PRPF19: variants seen among roughly 807,000 people sequenced by gnomAD.
The protein encoded by PRPF19 is pre-mRNA-processing factor 19.
A neutral mutation model predicts 64.2 loss-of-function variants in PRPF19; 2 were observed. The ratio of observed to expected loss-of-function variants is 0.03; its 90% CI spans 0.01 to 0.10. The LOEUF is 0.10. Ranked by LOEUF, PRPF19 falls within the 10% of genes least tolerant of loss-of-function variation. The pLI is 1.00. For synonymous variants in PRPF19, 226 were observed against 251.6 expected, an observed-to-expected ratio of 0.90 and a Z score of 0.96; for missense variants, 314 against 650.0, an observed-to-expected ratio of 0.48 and a Z score of 5.62.
rs1856000582 is a variant in PRPF19, at chr11:60,902,996, G to A, written c.247-115C>T. On this transcript the variant is annotated intron_variant, in intron 3 of 15. Transcript: ENST00000227524. This position sits in a 1 kb window ranked among gnomAD's most constrained non-coding sequence, Gnocchi z 5.0. Reference sequence around the variant, plus strand: ...TATCCCAGAGCCTAGACCAGTATCAGTGACCCAAACAATATCCGAGCAAAC... The same window carrying A: ...TATCCCAGAGCCTAGACCAGTATCAATGACCCAAACAATATCCGAGCAAAC... 2.0e-6 allele frequency: 3 copies of A among 1,468,974 alleles called. No homozygotes were observed. Among genetic ancestry groups the A allele is most frequent in the Non-Finnish European group, 1.8e-6 (2 of 1,103,036 alleles). 91.0% of individuals were successfully genotyped at this position (1,468,974 alleles called of 1,614,324 possible).
At position 60,899,194 on chromosome 11, in the gene PRPF19, G is replaced by A; in HGVS notation, c.939C>T (p.Ser313=). The change falls in exon 11 of 16, where the codon AGC becomes AGT. Residue 313 remains serine, a synonymous_variant. Transcript: ENST00000227524. ...RAHESAVTGL[S]LHATGDYLLS... is the part of the protein sequence containing the mutation. ...GGAGATAGTCGCCAGTGGCATGAAG[G>A]CTGAGGCCTGTCACAGCACTCTCAT... 1 of 1,613,966 alleles carries A rather than the reference G, an allele frequency of 6.2e-7. No individual in the cohort carries two copies. The highest frequency in any genetic ancestry group is 8.5e-7 in the Non-Finnish European group (1 of 1,179,966).
Position 60,903,951 on chromosome 11 carries a change from G to A in PRPF19, c.20-90C>T, listed in dbSNP as rs929175243. 2.8e-5 allele frequency: 42 copies of A among 1,479,480 alleles called. No homozygotes were observed. The Middle Eastern group carries it at 7.2e-4, about 25-fold the overall frequency. The allele number at this position is 1,479,480 out of a possible 1,614,324, so 91.6% of individuals were successfully genotyped here. A position where few individuals can be genotyped will look rare whatever the true frequency, so the allele number is the denominator to read the frequency against. On this transcript the variant is annotated intron_variant, in intron 1 of 15. Coordinates refer to ENST00000227524, the MANE Select transcript of PRPF19 (RefSeq NM_014502.5). ...TCTGCTATTAGCCCCAACAAGACTA[G>A]GCATCCTCACACTCAACTAGCAGAA...
intron 15 of PRPF19, among the ~76,000 whole-genome samples, chr11:60,894,424 C>G (rs1247696650): frequency 6.6e-6 from 1 of 152,208 alleles, no homozygotes; most frequent in Non-Finnish European, 1.5e-5. Flanking sequence ...TTGGTCATCC[C>G]TAAGAGCTCC....
Position 60,890,941 on chromosome 11 carries a change from A to C in PRPF19, c.*225T>G. The C allele has an allele frequency of 1.7e-6, 1 of 602,848 alleles. No individual in the cohort carries two copies. Among genetic ancestry groups the C allele is most frequent in the Non-Finnish European group, 3.0e-6 (1 of 329,126 alleles). 37.3% of individuals were successfully genotyped at this position (602,848 alleles called of 1,614,324 possible). Reference sequence around the variant, plus strand: ...CGACCCTGGGCCTTAAGAGGGTGACAGTTCTTCCTTCCACATCCGTTCCCA... The same window carrying C: ...CGACCCTGGGCCTTAAGAGGGTGACCGTTCTTCCTTCCACATCCGTTCCCA... On this transcript the variant is annotated 3_prime_UTR_variant, in exon 16 of 16. Transcript: ENST00000227524.
rs753696575 is a variant in PRPF19, at chr11:60,898,090, G to A, written c.1311+11C>T. The A allele has an allele frequency of 1.2e-6, 2 of 1,612,386 alleles. No homozygotes were observed. Among genetic ancestry groups the A allele is most frequent in the East Asian group, 2.2e-5 (1 of 44,864 alleles). Reference sequence around the variant, plus strand: ...CACAATGGAAAGCTGGGCGGAGGGGGAAGGGCACACCTCAAAGTTGTTATC... The same window carrying A: ...CACAATGGAAAGCTGGGCGGAGGGGAAAGGGCACACCTCAAAGTTGTTATC... On this transcript the variant is annotated intron_variant, in intron 14 of 15. Coordinates refer to ENST00000227524, the MANE Select transcript of PRPF19 (RefSeq NM_014502.5). The surrounding 1 kb of genome is among the most constrained non-coding windows in gnomAD (Gnocchi z 4.6).
intron 1 of PRPF19, among the ~76,000 whole-genome samples, chr11:60,904,870 C>T (rs1856025699): frequency 6.6e-6 from 1 of 152,158 alleles, no homozygotes; most frequent in South Asian, 2.1e-4. Flanking sequence ...CTCATTTCCC[C>T]AGGTAAATGG....
At position 60,902,856 on chromosome 11, in the gene PRPF19, G is replaced by T. The variant is rs188856023; in HGVS notation, c.272C>A (p.Thr91Asn). Residue 91 changes from threonine (T) to asparagine (N), a missense_variant, in exon 4 of 16, where the codon ACT becomes AAT. Physicochemically the swap from Thr to Asn is moderately conservative, Grantham distance 65. Around this residue, in one of 7 missense-constraint regions of PRPF19, gnomAD observed 17 missense variants for 32.2 expected, o/e 0.53. Transcript: ENST00000227524. The surrounding 1 kb of genome is among the most constrained non-coding windows in gnomAD (Gnocchi z 5.0). ...EWDAVMLHSF[T>N]LRQQLQTTRQ... is the part of the protein sequence containing the mutation. ...GGTTGTCTGCAGCTGCTGGCGCAGA[G>T]TGAAGCTGTGCAGCATGACTGCATC... 195 of 1,613,924 alleles carry T rather than the reference G, an allele frequency of 1.2e-4. No individual in the cohort carries two copies. Among genetic ancestry groups the T allele is most frequent in the Non-Finnish European group, 3.1e-5 (36 of 1,180,012 alleles).
In PRPF19 at chr11:60,891,375, TCA is replaced by T. The variant is rs1037889188; in HGVS notation, c.1418-114_1418-113del. 1.7e-5 allele frequency: 13 copies of T among 779,134 alleles called. No individual in the cohort carries two copies. In the African/African-American group the frequency reaches 2.1e-4, roughly 12 times the overall value. The allele number at this position is 779,134 out of a possible 1,614,324, so 48.3% of individuals were successfully genotyped here. On this transcript the variant is annotated intron_variant, in intron 15 of 15. Transcript: ENST00000227524. ...CCAGGCCTTCTCTAATTAGTATTTA[TCA>T]CACCGCAGGCTCCTGTTTGTTTTCC...
rs371127698 is a variant in PRPF19 at position 60,901,436 on chromosome 11, C to CT, written c.567+62dup. On this transcript the variant is annotated intron_variant, in intron 7 of 15. Transcript: ENST00000227524. ...CCAAGATTCAGCCGCCCTCTCTCTCCTAAGGAGTCAACCGCCTCCCACCAG... is the reference window on the plus strand; with the variant it reads ...CCAAGATTCAGCCGCCCTCTCTCTCCTTAAGGAGTCAACCGCCTCCCACCAG... 119 of 1,613,872 alleles carry CT rather than the reference C, an allele frequency of 7.4e-5. No homozygotes were observed. The African/African-American group carries it at 1.5e-3, about 20-fold the overall frequency.
In PRPF19 at chr11:60,898,429, C is replaced by T; in HGVS notation, c.1140+112G>A. Reference sequence around the variant, plus strand: ...ACACCATCATATCACACACGCACAGCCAGTGTCTCTCCACCTTCAGGGCCA... The same window carrying T: ...ACACCATCATATCACACACGCACAGTCAGTGTCTCTCCACCTTCAGGGCCA... On this transcript the variant is annotated intron_variant, in intron 13 of 15. Coordinates refer to ENST00000227524, the MANE Select transcript of PRPF19 (RefSeq NM_014502.5). The surrounding 1 kb of genome is among the most constrained non-coding windows in gnomAD (Gnocchi z 4.6). 1 of 1,561,708 alleles carries T rather than the reference C, an allele frequency of 6.4e-7. No homozygotes were observed. The highest frequency in any genetic ancestry group is 8.7e-7 in the Non-Finnish European group (1 of 1,150,482).
Position 60,900,566 on chromosome 11 carries a change from G to T in PRPF19, c.828+16C>A. 1 of 1,524,500 alleles carries T rather than the reference G, an allele frequency of 6.6e-7. No homozygotes were observed. Among genetic ancestry groups the T allele is most frequent in the Non-Finnish European group, 8.9e-7 (1 of 1,122,926 alleles). The allele number at this position is 1,524,500 out of a possible 1,614,324, so 94.4% of individuals were successfully genotyped here. On this transcript the variant is annotated intron_variant, in intron 10 of 15. Coordinates refer to ENST00000227524, the MANE Select transcript of PRPF19 (RefSeq NM_014502.5). The stretch of plus-strand genomic sequence containing the variant: ...CAAGGAAAGAAGAACCAAGGGTGGC[G>T]AGGAGAACCCCTTACCTGGGAAGGG...
intron 15 of PRPF19, among the ~76,000 whole-genome samples, chr11:60,896,339 C>A (rs1376473951): frequency 1.3e-5 from 2 of 152,216 alleles, no homozygotes; most frequent in African/African-American, 2.4e-5. Context: ...CCCCCGAAGA[C>A]CTTCCGGTGG....
At chr11:60,901,055 T>C (rs1322240643) in intron 8 of PRPF19, 126 bp from the exon 9 acceptor site, 1 of 1,135,500 alleles carries the variant, frequency 8.8e-7, no homozygotes, top group African/African-American at 1.5e-5. Context: ...CTTCTATTCC[T>C]TATCCATACC....
At position 60,906,446 on chromosome 11, in the gene PRPF19, C is replaced by A; in HGVS notation, c.-64G>T. On this transcript the variant is annotated 5_prime_UTR_variant, in exon 1 of 16. Transcript: ENST00000227524. ...TCCGGGACTAGCTTCTGAGCCTCCG[C>A]GAGCCACTTCCGGTCCCCCGCTGCT... 6.8e-7 allele frequency: 1 copy of A among 1,474,910 alleles called. No individual in the cohort carries two copies. The highest frequency in any genetic ancestry group is 9.1e-7 in the Non-Finnish European group (1 of 1,102,752). The allele number at this position is 1,474,910 out of a possible 1,614,324, so 91.4% of individuals were successfully genotyped here.
rs549508466 is a variant in PRPF19 at position 60,897,400 on chromosome 11, A to G, written c.1417+446T>C. On this transcript the variant is annotated intron_variant, in intron 15 of 15. Transcript: ENST00000227524. ...CACTCTACAATGGTCGCACATGACG[A>G]TATCACCTAACAAGACATTTCTCAG... 30 of 158,988 alleles carry G rather than the reference A, an allele frequency of 1.9e-4. No homozygotes were observed. The South Asian group carries it at 5.5e-3, about 29-fold the overall frequency. 9.8% of individuals were successfully genotyped at this position (158,988 alleles called of 1,614,324 possible).
chr11:60,904,615 C>T (rs1664272042), intron 1 of PRPF19, among the ~76,000 whole-genome samples: 1 of 152,190 alleles, frequency 6.6e-6, no homozygotes, highest in South Asian at 2.1e-4. Flanking sequence ...GTGGGAAACA[C>T]TTATGTTTAC....
Position 60,897,913 on chromosome 11 carries a change from C to T in PRPF19, c.1350G>A (p.Leu450=). The change falls in exon 15 of 16, where the codon CTG becomes CTA. Residue 450 remains leucine (L), a synonymous_variant. Coordinates refer to ENST00000227524, the MANE Select transcript of PRPF19 (RefSeq NM_014502.5). Reference sequence around the variant, plus strand: ...TCTGGACATCCGTGCCCCCAAGAGCCAGGTAGGTACCACTCTGGTCAAAGA... The same window carrying T: ...TCTGGACATCCGTGCCCCCAAGAGCTAGGTAGGTACCACTCTGGTCAAAGA... The part of the protein sequence containing the change: ...SLIFDQSGTY[L]ALGGTDVQIY... 1 of 1,613,998 alleles carries T rather than the reference C, an allele frequency of 6.2e-7. No homozygotes were observed. The highest frequency in any genetic ancestry group is 1.1e-5 in the South Asian group (1 of 91,054).
In PRPF19 at chr11:60,899,132, A is replaced by T. The variant is rs1356126888; in HGVS notation, c.984+17T>A. 1 of 1,606,712 alleles carries T rather than the reference A, an allele frequency of 6.2e-7. No homozygotes were observed. The highest frequency in any genetic ancestry group is 8.5e-7 in the Non-Finnish European group (1 of 1,176,538). ...GGGGACCAGCAGGCCTCTCCAGGGC[A>T]CTGGCTGGGACCGCACCTGATCATC... On this transcript the variant is annotated intron_variant, in intron 11 of 15. Coordinates refer to ENST00000227524, the MANE Select transcript of PRPF19 (RefSeq NM_014502.5).
chr11:60,905,304 G>C (rs1856033187), intron 1 of PRPF19: 1 of 152,238 alleles, frequency 6.6e-6, no homozygotes, highest in Admixed American at 6.5e-5. Flanking sequence ...GAAGGATGGT[G>C]CTGGGGAACG....
Sources: allele counts gnomAD v4.1 joint callset (sites outside exome capture counted in the v4.1 genomes callset), GRCh38; gene constraint gnomAD v4.1.1; regional missense constraint gnomAD v4.1.1; non-coding constraint Gnocchi (gnomAD v3.1); transcripts MANE v1.5; gene names NCBI Gene and HGNC (gene_info 2026-07-23, HGNC 2026-07-21).